Variants in STOX2 observed in about 807,000 individuals in gnomAD.
STOX2 encodes the protein storkhead box 2.
Under a neutral mutation model 60.9 loss-of-function variants are expected in STOX2, and 28 were observed. The observed-to-expected ratio is 0.46, with a 90% CI of 0.34 to 0.63. The LOEUF (loss-of-function observed/expected upper bound fraction) is 0.63. Ranked by LOEUF, STOX2 falls within the 30% of genes least tolerant of loss-of-function variation. The pLI, the probability that STOX2 is intolerant of heterozygous loss-of-function variation, is 0.01. For synonymous variants in STOX2, 472 were observed against 463.9 expected (o/e 1.02, Z -0.22); for missense variants, 1,024 against 1,187.7 (o/e 0.86, Z 2.03).
In STOX2 at chr4:184,013,595, C is replaced by T. The variant is rs367685219; in HGVS notation, c.2585+2172C>T. ...TACCCCTTTCATATTTACTACCCTT[C>T]GATTAGAAGCTAGGTGACAAACTAT... is the stretch of plus-strand genomic sequence containing the variant. On this transcript the variant is annotated intron_variant, in intron 3 of 3. Transcript: ENST00000308497. 2.6e-5 allele frequency among the ~76,000 whole-genome samples: 4 copies of T among 152,158 alleles called. No homozygotes were observed. The East Asian group carries it at 7.7e-4, about 29-fold the overall frequency.
chr4:183,993,809 A>G (rs1733213154), intron 1 of STOX2, among the ~76,000 whole-genome samples: 1 of 152,214 alleles, frequency 6.6e-6, no homozygotes, highest in Non-Finnish European at 1.5e-5. Context: ...AAAGTCAAGA[A>G]TAGTCATCTG....
At chr4:183,923,014 G>A (rs1396166584) in intron 1 of STOX2, among the ~76,000 whole-genome samples, 1 of 152,128 alleles carries the variant, frequency 6.6e-6, no homozygotes, top group African/African-American at 2.4e-5. Context: ...ACCATGTTTT[G>A]TTTATTCATT....
At chr4:183,969,040 C>A (rs189636012) in intron 1 of STOX2, among the ~76,000 whole-genome samples, 1 of 152,122 alleles carries the variant, frequency 6.6e-6, no homozygotes, top group African/African-American at 2.4e-5. Flanking sequence ...TTAAAACAAG[C>A]CTTTTATGAG....
intron 1 of STOX2, among the ~76,000 whole-genome samples, chr4:183,841,119 C>T (rs936092981): frequency 3.9e-5 from 6 of 152,206 alleles, no homozygotes; most frequent in East Asian, 3.9e-4. Flanking sequence ...CTGCCCGCCC[C>T]GACCTCCCGT....
At chr4:183,802,843 G>A (rs1738799141) in intron 1 of STOX2, among the ~76,000 whole-genome samples, 1 of 152,134 alleles carries the variant, frequency 6.6e-6, no homozygotes, top group Non-Finnish European at 1.5e-5. Context: ...TGATGGTCTC[G>A]ATCTCCTGAC....
At chr4:183,801,254 A>G (rs907597384) in intron 1 of STOX2, among the ~76,000 whole-genome samples, 2 of 152,234 alleles carry the variant, frequency 1.3e-5, no homozygotes, top group African/African-American at 4.8e-5. Context: ...CCATTCTTAG[A>G]AATAACCTAC....
At chr4:183,830,623 A>G (rs1170348955) in intron 1 of STOX2, among the ~76,000 whole-genome samples, 2 of 152,178 alleles carry the variant, frequency 1.3e-5, no homozygotes, top group Non-Finnish European at 2.9e-5. Flanking sequence ...TGTGGCAGTT[A>G]GCTGAGGGTA....
chr4:183,946,118 C>T (rs1296256961), intron 1 of STOX2, among the ~76,000 whole-genome samples: 5 of 152,094 alleles, frequency 3.3e-5, no homozygotes, highest in African/African-American at 1.2e-4. Context: ...TACGAGACGT[C>T]GGCTGAATTC....
At chr4:183,810,555 T>A (rs1739011629) in intron 1 of STOX2, among the ~76,000 whole-genome samples, 1 of 152,146 alleles carries the variant, frequency 6.6e-6, no homozygotes, top group African/African-American at 2.4e-5. Flanking sequence ...TTAAATGTGT[T>A]CCCCAAAGTT....
At chr4:183,939,322 C>T (rs1011565285) in intron 1 of STOX2, among the ~76,000 whole-genome samples, 1 of 152,182 alleles carries the variant, frequency 6.6e-6, no homozygotes, top group East Asian at 1.9e-4. Flanking sequence ...AGTCCTCCTT[C>T]GTCTGTGGCT....
Position 183,856,968 on chromosome 4 carries a change from A to G in STOX2, c.364+58913A>G, listed in dbSNP as rs1368983792. ...AAGAGGCAGGGAGGGAGATGAGTGG[A>G]TAATTAGATTAAATTGTGTGGTAGA... is the stretch of plus-strand genomic sequence containing the variant. On this transcript the variant is annotated intron_variant, in intron 1 of 2. Coordinates refer to the STOX2 transcript ENST00000513034. This position sits in a 1 kb window ranked among gnomAD's most constrained non-coding sequence, Gnocchi z 4.0. 6.6e-6 allele frequency among the ~76,000 whole-genome samples: 1 copy of G among 152,188 alleles called. No individual in the cohort carries two copies. The highest frequency in any genetic ancestry group is 2.4e-5 in the African/African-American group (1 of 41,436).
chr4:183,855,193 G>C (rs1249666137), intron 1 of STOX2, among the ~76,000 whole-genome samples: 3 of 152,104 alleles, frequency 2.0e-5, no homozygotes, highest in Non-Finnish European at 4.4e-5. Flanking sequence ...CATTACTTTG[G>C]GTGTTTAATT....
At chr4:183,943,833 T>C (rs914618494) in intron 1 of STOX2, among the ~76,000 whole-genome samples, 2 of 152,136 alleles carry the variant, frequency 1.3e-5, no homozygotes, top group Non-Finnish European at 2.9e-5. Flanking sequence ...GCTGAGATCG[T>C]GCCACTGCCC....
At chr4:183,855,099 A>C (rs1278935840) in intron 1 of STOX2, among the ~76,000 whole-genome samples, 2 of 152,110 alleles carry the variant, frequency 1.3e-5, no homozygotes, top group African/African-American at 4.8e-5. Context: ...TATTTGGCCA[A>C]ATTAAAATGA....
chr4:183,974,548 C>A (rs980986470), intron 1 of STOX2, among the ~76,000 whole-genome samples: 1 of 151,760 alleles, frequency 6.6e-6, no homozygotes, highest in African/African-American at 2.4e-5. Context: ...CATAAGGAAG[C>A]TGGAGGGGCC....
chr4:183,817,965 T>C (rs1579297515), intron 1 of STOX2, among the ~76,000 whole-genome samples: 1 of 152,084 alleles, frequency 6.6e-6, no homozygotes, highest in East Asian at 1.9e-4. Flanking sequence ...AACACTTGGG[T>C]ATGAAGTAAC....
chr4:183,833,648 T>TC (rs975591926), intron 1 of STOX2, among the ~76,000 whole-genome samples: 4 of 151,406 alleles, frequency 2.6e-5, no homozygotes, highest in Non-Finnish European at 4.4e-5. Flanking sequence ...TTTTTTTTTT[T>TC]CATTCCAAGC....
intron 1 of STOX2, among the ~76,000 whole-genome samples, chr4:183,892,347 C>T (rs1336010983): frequency 2.0e-5 from 3 of 152,182 alleles, no homozygotes; most frequent in African/African-American, 7.2e-5. Context: ...GGCGCGATCT[C>T]GGCTCACTGC....
Position 184,018,778 on chromosome 4 carries a change from T to C in STOX2, c.*1494T>C, listed in dbSNP as rs147492127. 2.6e-5 allele frequency: 4 copies of C among 152,344 alleles called. No individual in the cohort carries two copies. The East Asian group carries it at 7.7e-4, about 29-fold the overall frequency. 9.4% of individuals were successfully genotyped at this position (152,344 alleles called of 1,614,324 possible). On this transcript the variant is annotated 3_prime_UTR_variant, in exon 4 of 4. Coordinates refer to ENST00000308497, the MANE Select transcript of STOX2 (RefSeq NM_020225.3). ...GCAAGGAGACATTCCAACGTTCCCA[T>C]GTTTTATTTTCTGAGAACAGTGGGA... is the stretch of plus-strand genomic sequence containing the variant.
Sources: gnomAD v4.1 joint callset for allele counts (sites outside exome capture counted in the v4.1 genomes callset) on GRCh38, gnomAD v4.1.1 for gene constraint, Gnocchi (gnomAD v3.1) non-coding constraint, MANE v1.5 for transcripts, NCBI Gene and HGNC (gene_info 2026-07-23, HGNC 2026-07-21) for gene names.